Variants in SRRM4 observed in about 807,000 individuals in gnomAD.
The protein encoded by SRRM4 is serine/arginine repetitive matrix protein 4.
A neutral mutation model predicts 68.9 loss-of-function variants in SRRM4; 33 were observed. That is an observed-to-expected ratio of 0.48 (90% CI 0.36 to 0.64). The LOEUF (loss-of-function observed/expected upper bound fraction) is 0.64. Ranked by LOEUF, SRRM4 falls within the 30% of genes least tolerant of loss-of-function variation. The pLI is 0.00. For synonymous variants in SRRM4, 318 were observed against 318.8 expected, an observed-to-expected ratio of 1.00 and a Z score of 0.03; for missense variants, 817 against 827.1, an observed-to-expected ratio of 0.99 and a Z score of 0.15.
chr12:119,059,870 G>A (rs947435288), intron 1 of SRRM4, among the ~76,000 whole-genome samples: 1 of 152,180 alleles, frequency 6.6e-6, no homozygotes. Context: ...AGACTGAAAT[G>A]TCCAGAATCT....
At chr12:119,019,961 C>CCCAAAA (rs547396065) in intron 1 of SRRM4, among the ~76,000 whole-genome samples, 1 of 90,022 alleles carries the variant, frequency 1.1e-5, no homozygotes, top group African/African-American at 4.3e-5. Context: ...CCCCCCCCCC[C>CCCAAAA]AAAAAAAAAT....
intron 1 of SRRM4, among the ~76,000 whole-genome samples, chr12:119,069,131 A>T (rs758198844): frequency 3.9e-5 from 6 of 152,174 alleles, no homozygotes; most frequent in Non-Finnish European, 5.9e-5. Context: ...GCAAAAATAG[A>T]AACGGGAGAG....
At chr12:119,066,033 A>G (rs924706390) in intron 1 of SRRM4, among the ~76,000 whole-genome samples, 2 of 152,158 alleles carry the variant, frequency 1.3e-5, no homozygotes, top group African/African-American at 4.8e-5. Flanking sequence ...ACAAAGAGTA[A>G]CCCCTCAATA....
chr12:119,102,324 A>T lies in SRRM4; in HGVS notation c.220A>T (p.Thr74Ser), dbSNP rs746008357. 2.5e-6 allele frequency: 4 copies of T among 1,613,586 alleles called. No individual in the cohort carries two copies. Among genetic ancestry groups the T allele is most frequent in the Non-Finnish European group, 3.4e-6 (4 of 1,179,728 alleles). Residue 74 changes from threonine to serine, a missense_variant, in exon 2 of 13, where the codon ACC becomes TCC. Physicochemically the swap from Thr to Ser is moderately conservative, Grantham distance 58. Transcript: ENST00000267260. ...GCATCTGGCCACCGAGCCCTTGGGCACCAACAGTTGGGAGAGAGACAAGAC... is the reference window on the plus strand; with the variant it reads ...GCATCTGGCCACCGAGCCCTTGGGCTCCAACAGTTGGGAGAGAGACAAGAC... ...GQHLATEPLG[T>S]NSWERDKTCR...
chr12:119,102,488 A>T, intron 2 of SRRM4, 106 bp downstream of exon 2: 8 of 826,002 alleles, frequency 9.7e-6, no homozygotes, highest in Non-Finnish European at 1.5e-5. Flanking sequence ...AAACCCTTAA[A>T]TCAAGGGTTA....
At chr12:119,102,627 G>A (rs1257397053) in intron 2 of SRRM4, among the ~76,000 whole-genome samples, 1 of 152,204 alleles carries the variant, frequency 6.6e-6, no homozygotes, top group South Asian at 2.1e-4. Flanking sequence ...CAAACAAAAA[G>A]CATATCTGTG....
intron 1 of SRRM4, among the ~76,000 whole-genome samples, chr12:119,060,964 C>T (rs778155288): frequency 6.6e-6 from 1 of 152,174 alleles, no homozygotes; most frequent in Non-Finnish European, 1.5e-5. Context: ...CGTCCCTTCC[C>T]CACCTCCTCC....
intron 7 of SRRM4, among the ~76,000 whole-genome samples, chr12:119,130,395 A>G (rs1277067395): frequency 1.4e-5 from 2 of 142,530 alleles, no homozygotes; most frequent in Non-Finnish European, 3.1e-5. Context: ...GGATGAATAG[A>G]TGGTTGCTTA....
chr12:119,076,630 G>A (rs1460567437), intron 1 of SRRM4, among the ~76,000 whole-genome samples: 3 of 152,200 alleles, frequency 2.0e-5, no homozygotes. Flanking sequence ...GTAAGGGCTG[G>A]TCACACTGAA....
chr12:119,029,663 G>A (rs1953574159), intron 1 of SRRM4, among the ~76,000 whole-genome samples: 1 of 152,048 alleles, frequency 6.6e-6, no homozygotes, highest in African/African-American at 2.4e-5. Context: ...CCTTTCTCAG[G>A]GAAAGAAAAT....
At chr12:118,986,530 AT>A (rs1407994467) in intron 1 of SRRM4, among the ~76,000 whole-genome samples, 7 of 152,166 alleles carry the variant, frequency 4.6e-5, no homozygotes, top group Admixed American at 4.6e-4. Context: ...CCAGCAACAG[AT>A]TAGCTCTCTC....
intron 1 of SRRM4, among the ~76,000 whole-genome samples, chr12:119,015,344 C>G (rs1172835702): frequency 6.6e-6 from 1 of 152,208 alleles, no homozygotes; most frequent in Non-Finnish European, 1.5e-5. Context: ...CTTTCATAAA[C>G]CCCACTGCTA....
intron 2 of SRRM4, among the ~76,000 whole-genome samples, chr12:119,112,640 C>A (rs4766930): frequency 0.077 from 11,724 of 152,196 alleles, 505 homozygotes; most frequent in Admixed American, 0.1. Context: ...GAACAAGATC[C>A]TGTCCTTTGC....
In SRRM4 at chr12:119,154,385, T is replaced by C; in HGVS notation, c.1532+2T>C. 1.2e-6 allele frequency: 2 copies of C among 1,612,678 alleles called. No homozygotes were observed. Among genetic ancestry groups the C allele is most frequent in the Non-Finnish European group, 8.5e-7 (1 of 1,179,684 alleles). ...CCTGGAGGCCCGGAGGATAACCAGG[T>C]GAGGCCAGGGGGCAAGGGGGACCCA... On this transcript the variant is annotated splice_donor_variant, in intron 12 of 12. Coordinates refer to ENST00000267260, the MANE Select transcript of SRRM4 (RefSeq NM_194286.4). LOFTEE classifies it high-confidence loss of function. This position sits in a 1 kb window ranked among gnomAD's most constrained non-coding sequence, Gnocchi z 4.7.
At chr12:119,065,799 G>T (rs1017134777) in intron 1 of SRRM4, among the ~76,000 whole-genome samples, 1 of 152,094 alleles carries the variant, frequency 6.6e-6, no homozygotes, top group Non-Finnish European at 1.5e-5. Flanking sequence ...TTGAATGGAT[G>T]CATGGATGGA....
chr12:119,049,140 A>AG (rs1422220539), intron 1 of SRRM4, among the ~76,000 whole-genome samples: 1 of 152,212 alleles, frequency 6.6e-6, no homozygotes, highest in African/African-American at 2.4e-5. Flanking sequence ...AGTGTGAAGG[A>AG]GAAAAATGAC....
chr12:119,073,839 G>A (rs1397506859), intron 1 of SRRM4, among the ~76,000 whole-genome samples: 1 of 152,042 alleles, frequency 6.6e-6, no homozygotes, highest in African/African-American at 2.4e-5. Flanking sequence ...TGTTGCCCAG[G>A]CTGGTTTCTA....
At chr12:119,025,985 G>T (rs901481783) in intron 1 of SRRM4, among the ~76,000 whole-genome samples, 4 of 151,976 alleles carry the variant, frequency 2.6e-5, no homozygotes, top group Non-Finnish European at 4.4e-5. Flanking sequence ...TTAGAGTCAC[G>T]GCCACCGAGC....
chr12:119,009,255 A>G (rs953202710), intron 1 of SRRM4, among the ~76,000 whole-genome samples: 4 of 152,054 alleles, frequency 2.6e-5, no homozygotes, highest in Non-Finnish European at 4.4e-5. Context: ...CGGGGACTGG[A>G]CGAGATCGGG....
Sources: gnomAD v4.1 joint callset for allele counts (sites outside exome capture counted in the v4.1 genomes callset) on GRCh38, gnomAD v4.1.1 for gene constraint, Gnocchi (gnomAD v3.1) non-coding constraint, MANE v1.5 for transcripts, NCBI Gene and HGNC (gene_info 2026-07-23, HGNC 2026-07-21) for gene names.